The following SIPA1L3 variants were observed in gnomAD, a reference collection of about 807,000 sequenced individuals.
SIPA1L3 encodes signal-induced proliferation-associated 1-like protein 3.
SIPA1L3 carries 59 observed loss-of-function variants against 150.1 expected under a neutral mutation model. The observed-to-expected ratio is 0.39, with a 90% CI of 0.32 to 0.49. The LOEUF is 0.49. SIPA1L3 is among the 20% of genes least tolerant of loss of function. SIPA1L3 has a pLI of 0.86. For synonymous variants in SIPA1L3, 1,070 were observed against 1,077.6 expected (o/e 0.99, Z 0.14); for missense variants, 2,211 against 2,489.5 (o/e 0.89, Z 2.38).
At chr19:37,941,058 C>T (rs2046650243) in intron 1 of SIPA1L3, among the ~76,000 whole-genome samples, 1 of 143,990 alleles carries the variant, frequency 6.9e-6, no homozygotes, top group African/African-American at 2.6e-5. Context: ...AGGTGAATTT[C>T]AGGTTTGAGA....
intron 8 of SIPA1L3, among the ~76,000 whole-genome samples, chr19:38,110,660 G>C (rs1030324147): frequency 2.0e-5 from 3 of 152,160 alleles, no homozygotes; most frequent in Admixed American, 2.0e-4. Context: ...AAGACAAAAA[G>C]ACAGTTGTGT....
intron 2 of SIPA1L3, among the ~76,000 whole-genome samples, chr19:38,050,657 A>G (rs893804631): frequency 1.1e-4 from 16 of 152,222 alleles, no homozygotes; most frequent in Admixed American, 3.3e-4. Context: ...CCAAGAGACA[A>G]TATAGTCAAA....
chr19:37,914,789 G>A (rs2046403033), intron 1 of SIPA1L3, among the ~76,000 whole-genome samples: 1 of 152,164 alleles, frequency 6.6e-6, no homozygotes, highest in Non-Finnish European at 1.5e-5. Context: ...ACAGGCACGA[G>A]CCACCATACC....
In SIPA1L3 at chr19:38,130,376, G is replaced by A. The variant is rs1971277002; in HGVS notation, c.2869-122G>A. ...CTGCGGGTCCCCTGCCATCACCCGG[G>A]AAGGTATTAATAGATGGGAGTTGGC... On this transcript the variant is annotated intron_variant, in intron 9 of 21. Coordinates refer to ENST00000222345, the MANE Select transcript of SIPA1L3 (RefSeq NM_015073.3). 11 of 994,746 alleles carry A rather than the reference G, an allele frequency of 1.1e-5. No individual in the cohort carries two copies. In the East Asian group the frequency reaches 2.7e-4, roughly 24 times the overall value. The allele number at this position is 994,746 out of a possible 1,614,324, so 61.6% of individuals were successfully genotyped here.
At chr19:38,146,347 C>G (rs1292398346) in intron 12 of SIPA1L3, among the ~76,000 whole-genome samples, 1 of 152,192 alleles carries the variant, frequency 6.6e-6, no homozygotes, top group African/African-American at 2.4e-5. Flanking sequence ...AGTTTAACCA[C>G]TCACCCATCA....
intron 9 of SIPA1L3, among the ~76,000 whole-genome samples, chr19:38,124,101 C>T (rs1971106921): frequency 1.3e-5 from 2 of 149,322 alleles, no homozygotes; most frequent in Non-Finnish European, 3.0e-5. Flanking sequence ...GGGCGGGGGG[C>T]TGACCCCCCA....
At chr19:37,909,506 G>T (rs2046361309) in intron 1 of SIPA1L3, among the ~76,000 whole-genome samples, 1 of 152,130 alleles carries the variant, frequency 6.6e-6, no homozygotes, top group South Asian at 2.1e-4. Context: ...CACCGCGCCT[G>T]GCTGTGACAA....
In SIPA1L3 at chr19:38,198,570, C is replaced by A. The variant is rs771122270; in HGVS notation, c.4984+38C>A. On this transcript the variant is annotated intron_variant, in intron 19 of 21. Transcript: ENST00000222345. ...CACCCAGTCCCGCCAGGCCCCCACC[C>A]CGTCCTCTGTTCTAGAGGGATTCAT... 6.2e-6 allele frequency: 9 copies of A among 1,460,160 alleles called. 1 individual carries two copies. The highest frequency in any genetic ancestry group is 2.1e-4 in the Middle Eastern group (1 of 4,730). 90.5% of individuals were successfully genotyped at this position (1,460,160 alleles called of 1,614,324 possible). A position where few individuals can be genotyped will look rare whatever the true frequency, so the allele number is the denominator to read the frequency against.
At chr19:38,112,761 C>T (rs1258766786) in intron 8 of SIPA1L3, among the ~76,000 whole-genome samples, 2 of 152,032 alleles carry the variant, frequency 1.3e-5, no homozygotes, top group Non-Finnish European at 2.9e-5. Flanking sequence ...CCTCCCTTCC[C>T]ATCCCTCTTT....
At chr19:38,197,625 C>T (rs1282464737) in intron 18 of SIPA1L3, among the ~76,000 whole-genome samples, 3 of 152,044 alleles carry the variant, frequency 2.0e-5, no homozygotes, top group Admixed American at 6.5e-5. Context: ...CCATCTCCAC[C>T]GAGCACCTCC....
intron 4 of SIPA1L3, among the ~76,000 whole-genome samples, chr19:38,098,285 G>C (rs1386422466): frequency 6.6e-6 from 1 of 151,688 alleles, no homozygotes; most frequent in South Asian, 2.1e-4. Context: ...GTGACTTTTT[G>C]TTGTCTCTTT....
chr19:38,073,560 C>G (rs973297010), intron 2 of SIPA1L3, among the ~76,000 whole-genome samples: 1 of 152,172 alleles, frequency 6.6e-6, no homozygotes, highest in African/African-American at 2.4e-5. Context: ...CACACAGCAC[C>G]GTGTGTCACT....
chr19:38,102,822 G>T (rs192167829), intron 6 of SIPA1L3, among the ~76,000 whole-genome samples: 1 of 149,830 alleles, frequency 6.7e-6, no homozygotes, highest in Non-Finnish European at 1.5e-5. Context: ...ACAAAGCAAG[G>T]CCCCATCTCA....
At chr19:38,197,075 G>A (rs1302822441) in intron 18 of SIPA1L3, among the ~76,000 whole-genome samples, 2 of 152,118 alleles carry the variant, frequency 1.3e-5, no homozygotes, top group South Asian at 4.1e-4. Context: ...GCAAGGCAGC[G>A]CCTCGCTCGG....
rs140119542 is a variant in SIPA1L3, at chr19:38,119,754, G to A, written c.2740G>A (p.Gly914Arg). 6.9e-5 allele frequency: 111 copies of A among 1,614,030 alleles called. No homozygotes were observed. Among genetic ancestry groups the A allele is most frequent in the Admixed American group, 5.3e-4 (32 of 60,012 alleles). Reference sequence around the variant, plus strand: ...GGAGGTGGTGTTCAACTGCTACTGCGGGGATGTCATTGGCTGGACTCCAGA... The same window carrying A: ...GGAGGTGGTGTTCAACTGCTACTGCAGGGATGTCATTGGCTGGACTCCAGA... ...TKEVVFNCYC[G>R]DVIGWTPDSS... Residue 914 changes from glycine to arginine, a missense_variant, in exon 9 of 22, where the codon GGG becomes AGG. Around this residue, in one of 5 missense-constraint regions of SIPA1L3, gnomAD observed 625 missense variants for 804.2 expected, o/e 0.78. Coordinates refer to ENST00000222345, the MANE Select transcript of SIPA1L3 (RefSeq NM_015073.3).
intron 16 of SIPA1L3, chr19:38,184,754 T>TCA (rs1460246862): frequency 6.6e-6 from 1 of 152,120 alleles, no homozygotes; most frequent in Non-Finnish European, 1.5e-5. Context: ...TGTGCTGAGC[T>TCA]CACACTGAGA....
At chr19:37,981,708 C>G (rs1014110672) in intron 1 of SIPA1L3, among the ~76,000 whole-genome samples, 1 of 152,176 alleles carries the variant, frequency 6.6e-6, no homozygotes, top group East Asian at 1.9e-4. Context: ...GCTGTACCAC[C>G]TCACCTTTTC....
intron 3 of SIPA1L3, among the ~76,000 whole-genome samples, chr19:38,087,384 G>T (rs1219476347): frequency 6.6e-6 from 1 of 152,096 alleles, no homozygotes; most frequent in Non-Finnish European, 1.5e-5. Context: ...TTCTGATCGG[G>T]GTCATTAATT....
chr19:38,029,982 A>G (rs949164105), intron 2 of SIPA1L3, among the ~76,000 whole-genome samples: 1 of 151,552 alleles, frequency 6.6e-6, no homozygotes, highest in African/African-American at 2.4e-5. Context: ...AGCCTCCCGA[A>G]TAGCTGGGAT....
Sources: gnomAD v4.1 joint callset for allele counts (sites outside exome capture counted in the v4.1 genomes callset) on GRCh38, gnomAD v4.1.1 for gene constraint, gnomAD v4.1.1 regional missense constraint, MANE v1.5 for transcripts, NCBI Gene and HGNC (gene_info 2026-07-23, HGNC 2026-07-21) for gene names.